Variants in PAK3 observed in about 807,000 individuals in gnomAD.
PAK3 encodes p21 (RAC1) activated kinase 3.
A neutral mutation model predicts 41.0 loss-of-function variants in PAK3; 4 were observed. The ratio of observed to expected loss-of-function variants is 0.10; its 90% confidence interval spans 0.05 to 0.22. The LOEUF is 0.22. Ranked by LOEUF, PAK3 falls within the 10% of genes least tolerant of loss-of-function variation. The pLI is 1.00. For missense variants in PAK3, 205 were observed against 409.9 expected (o/e 0.50, Z 4.32); for synonymous variants, 146 against 139.6 (o/e 1.05, Z -0.32).
At chrX:111,089,592 A>AG (rs1488944984) in intron 1 of PAK3, among the ~76,000 whole-genome samples, 1 of 111,215 alleles carries the variant, frequency 9.0e-6, no homozygotes, top group Non-Finnish European at 1.9e-5. Context: ...ATCATTGGGT[A>AG]GGGAAAGGAG....
chrX:111,163,187 T>C (rs1381765611), intron 9 of PAK3, 141 bp downstream of exon 9: 1 of 610,020 alleles, frequency 1.6e-6, no homozygotes, highest in Non-Finnish European at 2.7e-6. Flanking sequence ...TGACCAAGGT[T>C]TTGAGGATAC....
chrX:110,946,567 A>C (rs901724143), intron 1 of PAK3, among the ~76,000 whole-genome samples: 108 of 112,400 alleles, frequency 9.6e-4, no homozygotes, highest in Admixed American at 5.2e-3. Flanking sequence ...AGATTATGTT[A>C]ATTAACACTG....
chrX:111,128,976 C>CTT (rs1403321717), intron 5 of PAK3, among the ~76,000 whole-genome samples: 1 of 110,995 alleles, frequency 9.0e-6, no homozygotes, highest in African/African-American at 3.3e-5. Context: ...TGAAAGAGTT[C>CTT]TTAAAGTACT....
chrX:111,152,721 A>C, intron 8 of PAK3: 1 of 225,144 alleles, frequency 4.4e-6, no homozygotes, highest in South Asian at 9.5e-5. Context: ...AACTCCACCC[A>C]CCCCACCCTA....
intron 1 of PAK3, among the ~76,000 whole-genome samples, chrX:110,951,549 C>T (rs189096406): frequency 2.7e-5 from 3 of 111,736 alleles, no homozygotes; most frequent in African/African-American, 9.7e-5. Flanking sequence ...GTACATTTTC[C>T]CCCTCCTCCT....
Position 111,173,057 on chromosome X carries a change from C to A in PAK3, c.806C>A (p.Thr269Lys). 9.0e-7 allele frequency: 1 copy of A among 1,116,918 alleles called. No individual in the cohort carries two copies. Among genetic ancestry groups the A allele is most frequent in the Non-Finnish European group, 1.2e-6 (1 of 811,028 alleles). 92.0% of individuals were successfully genotyped at this position (1,116,918 alleles called of 1,213,427 possible). A position where few individuals can be genotyped will look rare whatever the true frequency, so the allele number is the denominator to read the frequency against. Residue 269 changes from threonine to lysine, a missense_variant, in exon 11 of 18, where the codon ACA becomes AAA. Coordinates refer to ENST00000372007, the MANE Select transcript of PAK3 (RefSeq NM_002578.5). ...VSVGDPKKKY[T>K]RFEKIGQGAS... Reference sequence around the variant, plus strand: ...GTTGGGGACCCAAAGAAAAAATACACAAGATTTGAAAAAATTGGTCAAGGG... The same window carrying A: ...GTTGGGGACCCAAAGAAAAAATACAAAAGATTTGAAAAAATTGGTCAAGGG...
chrX:111,069,301 A>G (rs756370286), intron 1 of PAK3, among the ~76,000 whole-genome samples: 3 of 111,497 alleles, frequency 2.7e-5, no homozygotes, highest in Non-Finnish European at 5.7e-5. Context: ...GGTTATGGGC[A>G]TATCCCATAG....
chrX:111,122,414 G>A (rs1031967294), intron 4 of PAK3, among the ~76,000 whole-genome samples: 9 of 109,657 alleles, frequency 8.2e-5, no homozygotes, highest in African/African-American at 1.3e-4. Context: ...GTGTCTCCTC[G>A]GGAACTGGCC....
chrX:111,050,367 G>T (rs903324271), intron 1 of PAK3, among the ~76,000 whole-genome samples: 4 of 111,834 alleles, frequency 3.6e-5, no homozygotes, highest in African/African-American at 1.3e-4. Flanking sequence ...AAAAAGCCTA[G>T]CTATAAAGAA....
intron 1 of PAK3, among the ~76,000 whole-genome samples, chrX:110,985,229 C>T (rs1244558019): frequency 9.0e-6 from 1 of 111,475 alleles, no homozygotes; most frequent in Admixed American, 9.5e-5. Context: ...CCTTCCTCTG[C>T]AACCTCATCT....
chrX:110,964,879 C>A (rs2091050846), intron 1 of PAK3, among the ~76,000 whole-genome samples: 1 of 111,534 alleles, frequency 9.0e-6, no homozygotes, highest in Non-Finnish European at 1.9e-5. Context: ...GACTGGCTGG[C>A]TTGCTGGCTG....
intron 1 of PAK3, among the ~76,000 whole-genome samples, chrX:111,012,343 A>C (rs370014006): frequency 8.9e-6 from 1 of 112,015 alleles, no homozygotes; most frequent in East Asian, 2.8e-4. Context: ...AAGAGTGGGC[A>C]TCCAAGGATA....
At chrX:111,001,651 A>G (rs191888752) in intron 1 of PAK3, among the ~76,000 whole-genome samples, 7 of 112,382 alleles carry the variant, frequency 6.2e-5, no homozygotes, top group African/African-American at 2.3e-4. Context: ...CATCACTTGG[A>G]TGTTTGAGGC....
chrX:111,188,834 G>A (rs146101823), intron 11 of PAK3, among the ~76,000 whole-genome samples: 12 of 112,390 alleles, frequency 1.1e-4, no homozygotes, highest in Middle Eastern at 4.6e-3. Flanking sequence ...ATCTCATTTT[G>A]CAGATACTCT....
At chrX:111,109,528 A>G (rs1160159902) in intron 4 of PAK3, among the ~76,000 whole-genome samples, 1 of 112,046 alleles carries the variant, frequency 8.9e-6, no homozygotes, top group Non-Finnish European at 1.9e-5. Flanking sequence ...GGACATGTTT[A>G]TCTTGCAGAA....
At chrX:111,047,246 C>T (rs1383903900) in intron 1 of PAK3, among the ~76,000 whole-genome samples, 5 of 111,651 alleles carry the variant, frequency 4.5e-5, no homozygotes, top group Non-Finnish European at 9.4e-5. Context: ...AAGACTAAGA[C>T]ATAGTCCCCA....
chrX:111,217,712 G>C, intron 17 of PAK3: 1 of 569,886 alleles, frequency 1.8e-6, no homozygotes, highest in Non-Finnish European at 2.1e-6. Flanking sequence ...ATCTGGAATG[G>C]CCCTTTGTTA....
intron 1 of PAK3, among the ~76,000 whole-genome samples, chrX:111,066,334 GTTTAATTTTCACATAA>G (rs781710920): frequency 3.9e-4 from 44 of 112,144 alleles, no homozygotes; most frequent in African/African-American, 1.3e-3. Flanking sequence ...GAAGCAAGCT[GTTTAATTTTCACATAA>G]TTTAATTTTC....
chrX:111,140,534 G>A (rs1321037366), intron 5 of PAK3, among the ~76,000 whole-genome samples: 1 of 111,934 alleles, frequency 8.9e-6, no homozygotes, highest in Non-Finnish European at 1.9e-5. Flanking sequence ...ACATTCAGGG[G>A]AAGTAGAAGT....
Sources: allele counts gnomAD v4.1 joint callset (sites outside exome capture counted in the v4.1 genomes callset), GRCh38; gene constraint gnomAD v4.1.1; transcripts MANE v1.5; gene names NCBI Gene and HGNC (gene_info 2026-07-23, HGNC 2026-07-21).